The following CLCN4 variants were observed in gnomAD, a reference collection of about 807,000 sequenced individuals.
CLCN4 encodes the protein Cl-/H+ antiporter 4, also known as H(+)/Cl(-) exchange transporter 4.
A neutral mutation model predicts 41.7 loss-of-function variants in CLCN4; 1 was observed. The ratio of observed to expected loss-of-function variants is 0.02; its 90% confidence interval spans 0.01 to 0.11. The LOEUF is 0.11. Among genes scored for constraint, CLCN4 ranks in the 10% least tolerant of loss-of-function variants. The probability of loss-of-function intolerance (pLI) is 1.00; values close to 1 mark genes in which losing one functional copy is unlikely to be tolerated. For synonymous variants in CLCN4, 277 were observed against 285.8 expected, an observed-to-expected ratio of 0.97 and a Z score of 0.31; for missense variants, 287 against 661.0, an observed-to-expected ratio of 0.43 and a Z score of 6.20.
intron 2 of CLCN4, among the ~76,000 whole-genome samples, chrX:10,170,076 C>T (rs374892197): frequency 1.8e-5 from 2 of 111,989 alleles, no homozygotes; most frequent in East Asian, 5.6e-4. Context: ...GCATGAGCCA[C>T]CACACCCGCC....
intron 4 of CLCN4, among the ~76,000 whole-genome samples, chrX:10,194,288 G>A (rs1293542184): frequency 8.9e-6 from 1 of 111,856 alleles, no homozygotes; most frequent in Non-Finnish European, 1.9e-5. Context: ...ACCCAAGGCC[G>A]CCTTTTGTGA....
Position 10,235,708 on chromosome X carries a change from A to G in CLCN4, c.*2124A>G, listed in dbSNP as rs890981916. Reference sequence around the variant, plus strand: ...GCAAAATACATATTTTCTCCAGGTTAAGAAATTTTAAGTCAGATCATGCTG... The same window carrying G: ...GCAAAATACATATTTTCTCCAGGTTGAGAAATTTTAAGTCAGATCATGCTG... On this transcript the variant is annotated 3_prime_UTR_variant, in exon 13 of 13. Coordinates refer to ENST00000380833, the MANE Select transcript of CLCN4 (RefSeq NM_001830.4). The G allele has an allele frequency of 5.3e-5, 6 of 112,487 alleles. No individual in the cohort carries two copies. Among genetic ancestry groups the G allele is most frequent in the African/African-American group, 1.9e-4 (6 of 30,936 alleles). The allele number at this position is 112,487 out of a possible 1,213,427, so 9.3% of individuals were successfully genotyped here.
chrX:10,197,410 C>T (rs1924124744), intron 5 of CLCN4, among the ~76,000 whole-genome samples: 1 of 111,544 alleles, frequency 9.0e-6, no homozygotes, highest in African/African-American at 3.3e-5. Flanking sequence ...TGAGAGTCTG[C>T]ATGTCTCATA....
rs914439181 is a variant in CLCN4, at chrX:10,236,367, G to A, written c.*2783G>A. ...AAACAACCCAATCTTACTTTCTTTC[G>A]TAAGTTGAACCTCTGATTTATTGTG... On this transcript the variant is annotated 3_prime_UTR_variant, in exon 13 of 13. Transcript: ENST00000380833. 8.9e-6 allele frequency: 1 copy of A among 112,021 alleles called. No individual in the cohort carries two copies. The highest frequency in any genetic ancestry group is 9.4e-5 in the Admixed American group (1 of 10,590). 9.2% of individuals were successfully genotyped at this position (112,021 alleles called of 1,213,427 possible). A position where few individuals can be genotyped will look rare whatever the true frequency, so the allele number is the denominator to read the frequency against.
At chrX:10,204,078 A>G (rs1924309591) in intron 6 of CLCN4, among the ~76,000 whole-genome samples, 1 of 112,007 alleles carries the variant, frequency 8.9e-6, no homozygotes. Context: ...GGTTGGAGGT[A>G]GAAAAGTTGT....
chrX:10,194,939 C>T lies in CLCN4; in HGVS notation c.273C>T (p.Ala91=), dbSNP rs371465743. The T allele has an allele frequency of 2.5e-5, 30 of 1,209,482 alleles. No individual in the cohort carries two copies. Among genetic ancestry groups the T allele is most frequent in the Admixed American group, 1.5e-4 (7 of 45,683 alleles). Residue 91 remains alanine (A), a synonymous_variant, in exon 5 of 13, where the codon GCC becomes GCT. Coordinates refer to ENST00000380833, the MANE Select transcript of CLCN4 (RefSeq NM_001830.4). ...CCTTGGCTGGGGTCATCGATCTCGCCGTGGACTGGATGACGGACCTGAAGG... is the reference window on the plus strand; with the variant it reads ...CCTTGGCTGGGGTCATCGATCTCGCTGTGGACTGGATGACGGACCTGAAGG... ...AGTLAGVIDL[A]VDWMTDLKEG...
At chrX:10,173,605 C>G (rs2147161454) in intron 2 of CLCN4, among the ~76,000 whole-genome samples, 1 of 111,770 alleles carries the variant, frequency 8.9e-6, no homozygotes, top group Non-Finnish European at 1.9e-5. Context: ...TCCCCGATTT[C>G]TGAAGGCAGC....
intron 12 of CLCN4, among the ~76,000 whole-genome samples, chrX:10,231,123 C>T (rs1186149427): frequency 2.7e-5 from 3 of 112,324 alleles, no homozygotes; most frequent in African/African-American, 9.7e-5. Flanking sequence ...CCTTTTCAGA[C>T]TGGCTTCTTT....
At position 10,216,897 on chromosome X, in the gene CLCN4, G is replaced by GTA. The variant is rs1555977625; in HGVS notation, c.1975+2839_1975+2840dup. On this transcript the variant is annotated intron_variant, in intron 11 of 12. Coordinates refer to ENST00000380833, the MANE Select transcript of CLCN4 (RefSeq NM_001830.4). ...GTTGGGGATGTGTGTGTGTGTGTGT[G>GTA]TATATATATATATATATATATACAC... is the stretch of plus-strand genomic sequence containing the variant. Among the ~76,000 whole-genome samples the GTA allele has an allele frequency of 1.9e-4, 4 of 20,828 alleles. 1 individual carries two copies. Among genetic ancestry groups the GTA allele is most frequent in the Non-Finnish European group, 2.7e-4 (3 of 10,922 alleles). The allele number at this position is 20,828 out of a possible 115,157, so 18.1% of individuals were successfully genotyped here.
chrX:10,167,309 C>T (rs1207588721), intron 2 of CLCN4, among the ~76,000 whole-genome samples: 2 of 111,540 alleles, frequency 1.8e-5, no homozygotes, highest in Admixed American at 9.5e-5. Flanking sequence ...CTGGCCACCT[C>T]ATCATCCTAA....
At chrX:10,164,143 G>C (rs1045024902) in intron 2 of CLCN4, among the ~76,000 whole-genome samples, 1 of 112,260 alleles carries the variant, frequency 8.9e-6, no homozygotes, top group Admixed American at 9.4e-5. Context: ...ACGCTGGTCA[G>C]GGAGGGCAAG....
chrX:10,206,451 T>C lies in CLCN4; in HGVS notation c.649T>C (p.Ser217Pro). The change falls in exon 7 of 13, where the codon TCC (serine) becomes CCC (proline). Residue 217 changes from serine to proline, a missense_variant. This residue lies in a region of CLCN4 where 90 missense variants were observed against 209.8 expected (regional missense o/e 0.43). Transcript: ENST00000380833. ...AGTCACGCTGGTGCTGGTAGTGTCC[T>C]CCGGTCTGAGCCTTGGGAAGGAAGG... ...KTVTLVLVVSSGLSLGKEGPL... is the reference protein window; with the variant it reads ...KTVTLVLVVSPGLSLGKEGPL... 8.3e-7 allele frequency: 1 copy of C among 1,210,385 alleles called. No homozygotes were observed. The highest frequency in any genetic ancestry group is 1.7e-5 in the African/African-American group (1 of 57,796).
intron 11 of CLCN4, among the ~76,000 whole-genome samples, chrX:10,214,913 T>C (rs1376106575): frequency 9.0e-6 from 1 of 111,366 alleles, no homozygotes; most frequent in Admixed American, 9.5e-5. Flanking sequence ...AGAGGTCTGG[T>C]TGTGAGTTGC....
rs750746300 is a variant in CLCN4, at chrX:10,170,635, G to A, written c.-12+12084G>A. ...TCCCCGGCCCCATCCAAGCCTTGCC[G>A]GATCTGAAGCTCTGAGGGTGGGACC... is the stretch of plus-strand genomic sequence containing the variant. On this transcript the variant is annotated intron_variant, in intron 2 of 12. Transcript: ENST00000380833. Among the ~76,000 whole-genome samples the A allele has an allele frequency of 9.0e-5, 10 of 111,266 alleles. No individual in the cohort carries two copies. The East Asian group carries it at 2.0e-3, about 22-fold the overall frequency.
At chrX:10,170,013 CCTGACCTCAGGTGGTCCA>C (rs1923351848) in intron 2 of CLCN4, among the ~76,000 whole-genome samples, 1 of 110,816 alleles carries the variant, frequency 9.0e-6, no homozygotes, top group South Asian at 3.8e-4. Context: ...GTCTTGAACT[CCTGACCTCAGGTGGTCCA>C]CCTGCCTCGG....
At chrX:10,214,705 A>C (rs1400324102) in intron 11 of CLCN4, among the ~76,000 whole-genome samples, 1 of 112,665 alleles carries the variant, frequency 8.9e-6, no homozygotes, top group African/African-American at 3.2e-5. Context: ...AATGACAATC[A>C]GCTGCACTGA....
At chrX:10,213,569 C>T in intron 10 of CLCN4, 112 bp from the exon 11 acceptor site, 1 of 710,733 alleles carries the variant, frequency 1.4e-6, no homozygotes. Context: ...GGAGAGTCTG[C>T]TTGGAACAGG....
At position 10,211,798 on chromosome X, in the gene CLCN4, C is replaced by T. The variant is rs759544102; in HGVS notation, c.1390-669C>T. Among the ~76,000 whole-genome samples, 130 of 112,190 alleles carry T rather than the reference C, an allele frequency of 1.2e-3. 1 individual carries two copies. The highest frequency in any genetic ancestry group is 2.3e-3 in the Non-Finnish European group (121 of 53,227). The stretch of plus-strand genomic sequence containing the variant: ...TCTTCATCCAGCAGGGTAGAGAACA[C>T]GCTGGTACCAAGATCTCTTAGTTTA... On this transcript the variant is annotated intron_variant, in intron 9 of 12. Transcript: ENST00000380833.
chrX:10,231,250 G>T (rs1925119733), intron 12 of CLCN4, among the ~76,000 whole-genome samples: 2 of 111,910 alleles, frequency 1.8e-5, no homozygotes, highest in South Asian at 7.4e-4. Context: ...AGTTTATCCA[G>T]TCACCTACTA....
Sources: gnomAD v4.1 joint callset for allele counts (sites outside exome capture counted in the v4.1 genomes callset) on GRCh38, gnomAD v4.1.1 for gene constraint, gnomAD v4.1.1 regional missense constraint, MANE v1.5 for transcripts, NCBI Gene and HGNC (gene_info 2026-07-23, HGNC 2026-07-21) for gene names.